RAD9B: variants seen among roughly 807,000 people sequenced by gnomAD.
RAD9B encodes cell cycle checkpoint control protein RAD9B.
In RAD9B, 41 loss-of-function variants were observed where a neutral mutation model predicts 48.3. The observed-to-expected ratio is 0.85, with a 90% CI of 0.66 to 1.10. The LOEUF is 1.10. RAD9B is among the 50% of genes least tolerant of loss of function. The pLI, the probability that RAD9B is intolerant of heterozygous loss-of-function variation, is 0.00. For synonymous variants in RAD9B, 160 were observed against 157.9 expected (o/e 1.01, Z -0.10); for missense variants, 444 against 485.1 (o/e 0.92, Z 0.80).
intron 1 of RAD9B, 121 bp downstream of exon 1, chr12:110,502,504 C>T (rs2063112208): frequency 1.8e-6 from 2 of 1,130,684 alleles, no homozygotes; most frequent in Non-Finnish European, 2.6e-6. Flanking sequence ...GGACGCACGC[C>T]CTGGCCACAG....
intron 5 of RAD9B, among the ~76,000 whole-genome samples, chr12:110,514,499 T>G (rs564690998): frequency 1.8e-4 from 28 of 152,346 alleles, no homozygotes; most frequent in Non-Finnish European, 1.8e-4. Flanking sequence ...ATGGGAATTA[T>G]ATCTCAATAA....
intron 6 of RAD9B, among the ~76,000 whole-genome samples, chr12:110,516,302 T>A (rs1433424701): frequency 6.6e-6 from 1 of 151,888 alleles, no homozygotes; most frequent in Non-Finnish European, 1.5e-5. Flanking sequence ...AGGGTCTGTT[T>A]TATGTACCAT....
chr12:110,522,184 C>G lies in RAD9B; in HGVS notation c.898C>G (p.Leu300Val). 1 of 1,577,950 alleles carries G rather than the reference C, an allele frequency of 6.3e-7. No homozygotes were observed. Among genetic ancestry groups the G allele is most frequent in the Admixed American group, 1.9e-5 (1 of 53,754 alleles). ...TGCCTATTAATACCTCAGGTCAGAT[C>G]TGATTGAAAAAAAGGCTGGCAAAAA... ...CLSQKRKRSD[L>V]IEKKAGKNVT... is the part of the protein sequence containing the mutation. The change falls in exon 10 of 11, where the codon CTG becomes GTG. Residue 300 changes from leucine (L) to valine (V), a missense_variant. Leu to Val is a conservative substitution (Grantham distance 32, BLOSUM62 1). Coordinates refer to ENST00000409300, the MANE Select transcript of RAD9B (RefSeq NM_001286535.2).
At chr12:110,518,576 G>A in intron 6 of RAD9B, 100 bp from the exon 7 acceptor site, 1 of 695,250 alleles carries the variant, frequency 1.4e-6, no homozygotes, top group Non-Finnish European at 2.4e-6. Context: ...TAGGGCAGGA[G>A]GAAATGGGAT....
rs2064166636 is a variant in RAD9B at position 110,532,539 on chromosome 12, C to T, written c.*1886C>T. 6.6e-6 allele frequency among the ~76,000 whole-genome samples: 1 copy of T among 152,162 alleles called. No homozygotes were observed. The highest frequency in any genetic ancestry group is 2.1e-4 in the South Asian group (1 of 4,832). ...TGGGCAACATGGTGAGATCCCATCT[C>T]TACAAAAATTAGCTGGGCACTTTGG... On this transcript the variant is annotated 3_prime_UTR_variant, in exon 11 of 11. Transcript: ENST00000409300.
chr12:110,521,168 A>T (rs1020382097), intron 9 of RAD9B, among the ~76,000 whole-genome samples: 3 of 150,966 alleles, frequency 2.0e-5, no homozygotes, highest in South Asian at 2.1e-4. Flanking sequence ...TTTTAAAAAA[A>T]TTTTTTGAGA....
intron 9 of RAD9B, among the ~76,000 whole-genome samples, chr12:110,521,289 A>G (rs922860929): frequency 6.6e-6 from 1 of 152,006 alleles, no homozygotes; most frequent in African/African-American, 2.4e-5. Flanking sequence ...AGTAACCAGG[A>G]CTACAGGCAC....
In RAD9B at chr12:110,518,737, A is replaced by G. The variant is rs1344257840; in HGVS notation, c.657A>G (p.Gln219=). The G allele has an allele frequency of 6.2e-7, 1 of 1,611,834 alleles. No individual in the cohort carries two copies. Among genetic ancestry groups the G allele is most frequent in the Admixed American group, 1.7e-5 (1 of 59,928 alleles). ...FVGSDEFDFF[Q]IGMDTEITFC... ...GCTCAGATGAGTTTGACTTCTTTCA[A>G]ATTGGAATGGACACTGAGATAACAT... Residue 219 remains glutamine, a synonymous_variant, in exon 7 of 11, where the codon CAA becomes CAG. Coordinates refer to ENST00000409300, the MANE Select transcript of RAD9B (RefSeq NM_001286535.2).
rs369316706 is a variant in RAD9B at position 110,505,788 on chromosome 12, C to T, written c.273+16C>T. 74 of 1,605,176 alleles carry T rather than the reference C, an allele frequency of 4.6e-5. No homozygotes were observed. Among genetic ancestry groups the T allele is most frequent in the Non-Finnish European group, 6.0e-5 (71 of 1,174,578 alleles). On this transcript the variant is annotated intron_variant, in intron 3 of 10. Coordinates refer to ENST00000409300, the MANE Select transcript of RAD9B (RefSeq NM_001286535.2). ...GGGAATGAAGGTAAATATAAGTGGCCCTGGTTTTCTCTTATTCTGTAGAAA... is the reference window on the plus strand; with the variant it reads ...GGGAATGAAGGTAAATATAAGTGGCTCTGGTTTTCTCTTATTCTGTAGAAA...
intron 4 of RAD9B, chr12:110,508,244 A>G (rs1456448887): frequency 5.9e-6 from 1 of 169,228 alleles, no homozygotes; most frequent in African/African-American, 2.4e-5. Flanking sequence ...ATGCCTACCC[A>G]CAAGTTACGG....
chr12:110,520,539 G>A (rs570064113), intron 9 of RAD9B, among the ~76,000 whole-genome samples: 3 of 148,320 alleles, frequency 2.0e-5, no homozygotes, highest in Non-Finnish European at 4.5e-5. Context: ...TTTTTTTTTA[G>A]GGGTAATATA....
chr12:110,520,019 A>G, intron 9 of RAD9B, 103 bp downstream of exon 9: 1 of 1,282,886 alleles, frequency 7.8e-7, no homozygotes, highest in Non-Finnish European at 1.1e-6. Context: ...GAGGAGTGAA[A>G]TATTAGTTAA....
At position 110,531,821 on chromosome 12, in the gene RAD9B, C is replaced by G. The variant is rs1310741622; in HGVS notation, c.*1168C>G. On this transcript the variant is annotated 3_prime_UTR_variant, in exon 11 of 11. Transcript: ENST00000409300. ...CCTCTCCCTCCCCCAAACCTGTTTA[C>G]AGTCAATTATAACCTGACAAACGAG... 2 of 549,412 alleles carry G rather than the reference C, an allele frequency of 3.6e-6. No homozygotes were observed. Among genetic ancestry groups the G allele is most frequent in the Admixed American group, 7.5e-5 (2 of 26,514 alleles). 34.0% of individuals were successfully genotyped at this position (549,412 alleles called of 1,614,324 possible). A position where few individuals can be genotyped will look rare whatever the true frequency, so the allele number is the denominator to read the frequency against.
At chr12:110,530,379 G>A in intron 10 of RAD9B, 146 bp from the exon 11 acceptor site, 2 of 608,702 alleles carry the variant, frequency 3.3e-6, no homozygotes, top group Non-Finnish European at 5.4e-6. Flanking sequence ...GACCAATAAT[G>A]AAGGTTCTGG....
chr12:110,530,315 G>A (rs944892777), intron 10 of RAD9B, among the ~76,000 whole-genome samples: 4 of 152,128 alleles, frequency 2.6e-5, no homozygotes, highest in Non-Finnish European at 5.9e-5. Context: ...AAAGTACTGA[G>A]ATTACAGGCG....
intron 10 of RAD9B, among the ~76,000 whole-genome samples, chr12:110,524,766 T>TG (rs959898072): frequency 2.6e-5 from 4 of 151,574 alleles, no homozygotes; most frequent in African/African-American, 9.7e-5. Context: ...CAGATATGGT[T>TG]GGCCAGGCTG....
rs2064129559 is a variant in RAD9B, at chr12:110,531,293, A to G, written c.*640A>G. The G allele has an allele frequency of 2.1e-6, 1 of 476,448 alleles. No individual in the cohort carries two copies. Among genetic ancestry groups the G allele is most frequent in the Non-Finnish European group, 3.2e-6 (1 of 317,184 alleles). The allele number at this position is 476,448 out of a possible 1,614,324, so 29.5% of individuals were successfully genotyped here. On this transcript the variant is annotated 3_prime_UTR_variant, in exon 11 of 11. Coordinates refer to ENST00000409300, the MANE Select transcript of RAD9B (RefSeq NM_001286535.2). ...CTGCAACATCTGCCTCCCAGGTCCA[A>G]GCGATTCTCCTGCCTCAGCCTCCCG...
chr12:110,505,689 C>T lies in RAD9B; in HGVS notation c.190C>T (p.His64Tyr). The T allele has an allele frequency of 6.2e-7, 1 of 1,600,016 alleles. No homozygotes were observed. The highest frequency in any genetic ancestry group is 1.7e-4 in the Middle Eastern group (1 of 6,040). ...CVLFSPVFFQ[H>Y]YQWSALVKMS... ...CCTGTTCTCTCCTGTGTTTTTTCAG[C>T]ATTATCAATGGTCAGCTTTAGTGAA... Residue 64 changes from histidine to tyrosine, a missense_variant, in exon 3 of 11, where the codon CAT becomes TAT. His to Tyr is a moderately conservative substitution (Grantham distance 83, BLOSUM62 2). Transcript: ENST00000409300.
At chr12:110,513,220 G>A (rs1299238381) in intron 5 of RAD9B, among the ~76,000 whole-genome samples, 4 of 151,692 alleles carry the variant, frequency 2.6e-5, no homozygotes, top group Admixed American at 2.6e-4. Flanking sequence ...CACCTGCCTT[G>A]GCCCCCTAAA....
Sources: gnomAD v4.1 joint callset for allele counts (sites outside exome capture counted in the v4.1 genomes callset) on GRCh38, gnomAD v4.1.1 for gene constraint, MANE v1.5 for transcripts, NCBI Gene and HGNC (gene_info 2026-07-23, HGNC 2026-07-21) for gene names.